Variants in CAMTA1 observed in about 807,000 individuals in gnomAD.
CAMTA1 encodes the protein calmodulin binding transcription activator 1.
CAMTA1 carries 27 observed loss-of-function variants against 170.9 expected under a neutral mutation model. That is an observed-to-expected ratio of 0.16 (90% CI 0.12 to 0.22). The LOEUF (loss-of-function observed/expected upper bound fraction) is 0.22, where lower values mean the gene tolerates loss of function less well. Ranked by LOEUF, CAMTA1 falls within the 10% of genes least tolerant of loss-of-function variation. The probability of loss-of-function intolerance (pLI) is 1.00; values close to 1 mark genes in which losing one functional copy is unlikely to be tolerated. For missense variants in CAMTA1, 1,619 were observed against 2,217.2 expected, an observed-to-expected ratio of 0.73 and a Z score of 5.42; for synonymous variants, 833 against 891.5, an observed-to-expected ratio of 0.93 and a Z score of 1.17.
intron 2 of CAMTA1, among the ~76,000 whole-genome samples, chr1:6,824,291 G>T (rs913374256): frequency 6.6e-6 from 1 of 151,936 alleles, no homozygotes; most frequent in Non-Finnish European, 1.5e-5. Flanking sequence ...TTATAGGAGT[G>T]AAAAAATAAA....
chr1:7,697,761 T>A (rs1379740526), intron 11 of CAMTA1, among the ~76,000 whole-genome samples: 1 of 152,186 alleles, frequency 6.6e-6, no homozygotes, highest in Non-Finnish European at 1.5e-5. Context: ...CTAATGCATC[T>A]CTTCCTCCCT....
chr1:7,259,128 C>G (rs1271139550), intron 5 of CAMTA1, among the ~76,000 whole-genome samples: 1 of 152,094 alleles, frequency 6.6e-6, no homozygotes, highest in African/African-American at 2.4e-5. Flanking sequence ...TCCTTCTGTG[C>G]GGGTGTGTGG....
rs557291390 is a variant in CAMTA1, at chr1:6,805,210, A to G, written c.46-14971A>G. Among the ~76,000 whole-genome samples, 3 of 152,328 alleles carry G rather than the reference A, an allele frequency of 2.0e-5. No individual in the cohort carries two copies. In the East Asian group the frequency reaches 5.8e-4, roughly 29 times the overall value. ...CTTGTTATTGTCCATCTTTTTGATT[A>G]TAGCCATTGTTGTAGATGGGAAGTG... On this transcript the variant is annotated intron_variant, in intron 1 of 22. Coordinates refer to ENST00000303635, the MANE Select transcript of CAMTA1 (RefSeq NM_015215.4).
chr1:7,024,045 A>G (rs1257377254), intron 3 of CAMTA1, among the ~76,000 whole-genome samples: 2 of 139,342 alleles, frequency 1.4e-5, no homozygotes, highest in Non-Finnish European at 3.0e-5. Flanking sequence ...AAAAAAAAAA[A>G]GAAAGAAAGA....
intron 3 of CAMTA1, among the ~76,000 whole-genome samples, chr1:6,902,081 A>AT (rs1157642703): frequency 9.3e-5 from 14 of 149,868 alleles, no homozygotes; most frequent in Admixed American, 2.7e-4. Context: ...ACAAAAAAAA[A>AT]AATAAAAATA....
intron 3 of CAMTA1, among the ~76,000 whole-genome samples, chr1:6,839,933 G>A: frequency 6.6e-6 from 1 of 152,226 alleles, no homozygotes; most frequent in East Asian, 1.9e-4. Flanking sequence ...GGGCACAGTG[G>A]CTCACGCCTG....
intron 3 of CAMTA1, among the ~76,000 whole-genome samples, chr1:6,831,822 A>G (rs1650296473): frequency 6.6e-6 from 1 of 152,176 alleles, no homozygotes; most frequent in East Asian, 1.9e-4. Context: ...TGCATTTTTT[A>G]ATGGTAAAAA....
rs2094712781 is a variant in CAMTA1, at chr1:7,547,468, T to C, written c.510+79567T>C. 6.6e-6 allele frequency among the ~76,000 whole-genome samples: 1 copy of C among 151,328 alleles called. No homozygotes were observed. ...GGGCCAAAAATATCCAGGAAAAAAA[T>C]TGCATTTGTACCAAACATATTTTTT... On this transcript the variant is annotated intron_variant, in intron 6 of 22. Coordinates refer to ENST00000303635, the MANE Select transcript of CAMTA1 (RefSeq NM_015215.4). This position sits in a 1 kb window ranked among gnomAD's most constrained non-coding sequence, Gnocchi z 5.7.
intron 6 of CAMTA1, among the ~76,000 whole-genome samples, chr1:7,598,069 A>C (rs2095414101): frequency 6.6e-6 from 1 of 151,668 alleles, no homozygotes; most frequent in Non-Finnish European, 1.5e-5. Context: ...ATATCTCCTA[A>C]TGCTATCCCT....
At chr1:7,417,966 A>T (rs1215922840) in intron 5 of CAMTA1, among the ~76,000 whole-genome samples, 2 of 151,946 alleles carry the variant, frequency 1.3e-5, no homozygotes, top group African/African-American at 4.8e-5. Context: ...AAGTCTGAAG[A>T]CCCAGGCCCT....
At position 7,313,854 on chromosome 1, in the gene CAMTA1, T is replaced by C. The variant is rs1330384866; in HGVS notation, c.438+64228T>C. On this transcript the variant is annotated intron_variant, in intron 5 of 22. Transcript: ENST00000303635. ...AAGGCAGGTTTGGAAGGTGGGCTAC[T>C]TAGCTGCAGCCATCGGTCATCCTTG... Among the ~76,000 whole-genome samples, 2 of 152,146 alleles carry C rather than the reference T, an allele frequency of 1.3e-5. 1 individual carries two copies. Among genetic ancestry groups the C allele is most frequent in the African/African-American group, 4.8e-5 (2 of 41,440 alleles).
chr1:7,334,666 T>TA (rs1012960328), intron 5 of CAMTA1, among the ~76,000 whole-genome samples: 1 of 152,188 alleles, frequency 6.6e-6, no homozygotes, highest in African/African-American at 2.4e-5. Context: ...AAGCTACAGA[T>TA]ACGGTTTAAA....
chr1:7,233,133 G>A lies in CAMTA1; in HGVS notation c.303-16358G>A, dbSNP rs762576215. On this transcript the variant is annotated intron_variant, in intron 4 of 22. Coordinates refer to ENST00000303635, the MANE Select transcript of CAMTA1 (RefSeq NM_015215.4). Reference sequence around the variant, plus strand: ...TGATAAATGACAACTCTAACAGACCGTCACATTGAGATGTTTAGTCCTTCC... The same window carrying A: ...TGATAAATGACAACTCTAACAGACCATCACATTGAGATGTTTAGTCCTTCC... 3.9e-5 allele frequency among the ~76,000 whole-genome samples: 6 copies of A among 152,278 alleles called. No individual in the cohort carries two copies. In the South Asian group the frequency reaches 6.2e-4, roughly 16 times the overall value.
intron 3 of CAMTA1, among the ~76,000 whole-genome samples, chr1:6,892,210 A>G (rs1392632302): frequency 1.3e-5 from 2 of 152,208 alleles, no homozygotes; most frequent in Non-Finnish European, 2.9e-5. Context: ...TGAGATCAGC[A>G]TTGTTGGGCT....
chr1:7,275,773 T>C (rs980944682), intron 5 of CAMTA1, among the ~76,000 whole-genome samples: 7 of 152,220 alleles, frequency 4.6e-5, no homozygotes, highest in African/African-American at 1.7e-4. Context: ...TTAAAATCTT[T>C]CCCCAAAAAG....
intron 6 of CAMTA1, among the ~76,000 whole-genome samples, chr1:7,494,184 A>G (rs1478110402): frequency 5.2e-5 from 5 of 96,112 alleles, no homozygotes; most frequent in African/African-American, 2.3e-4. Context: ...CAGAATTTCT[A>G]TTTGTTCAGA....
At chr1:7,272,743 C>T (rs951917415) in intron 5 of CAMTA1, among the ~76,000 whole-genome samples, 1 of 141,060 alleles carries the variant, frequency 7.1e-6, no homozygotes, top group Non-Finnish European at 1.5e-5. Context: ...AAATTGGACC[C>T]CTGCCTCATA....
At chr1:6,833,404 GAT>G (rs1349232379) in intron 3 of CAMTA1, among the ~76,000 whole-genome samples, 1 of 152,096 alleles carries the variant, frequency 6.6e-6, no homozygotes, top group Admixed American at 6.5e-5. Context: ...ATAAAACTCA[GAT>G]ATATGCATTA....
chr1:7,694,631 T>A (rs950579617), intron 11 of CAMTA1: 1 of 152,610 alleles, frequency 6.6e-6, no homozygotes, highest in Non-Finnish European at 1.5e-5. Flanking sequence ...GTCCTCCCAA[T>A]GGCTCCATTT....
Sources: allele counts gnomAD v4.1 joint callset (sites outside exome capture counted in the v4.1 genomes callset), GRCh38; gene constraint gnomAD v4.1.1; non-coding constraint Gnocchi (gnomAD v3.1); transcripts MANE v1.5; gene names NCBI Gene and HGNC (gene_info 2026-07-23, HGNC 2026-07-21).